The following SYN3 variants were observed in gnomAD, a reference collection of about 807,000 sequenced individuals.
The protein encoded by SYN3 is synapsin III.
Under a neutral mutation model 65.8 loss-of-function variants are expected in SYN3, and 35 were observed. That is an observed-to-expected ratio of 0.53 (90% CI 0.41 to 0.70). SYN3 has a LOEUF of 0.70. Ranked by LOEUF, SYN3 falls within the 30% of genes least tolerant of loss-of-function variation. The probability of loss-of-function intolerance (pLI) is 0.00; values close to 1 mark genes in which losing one functional copy is unlikely to be tolerated. For missense variants in SYN3, 680 were observed against 749.0 expected (o/e 0.91, Z 1.08); for synonymous variants, 270 against 292.9 (o/e 0.92, Z 0.80).
intron 7 of SYN3, among the ~76,000 whole-genome samples, chr22:32,569,533 ATCAATCTCTCTCTCTCTC>A (rs1342467215): frequency 3.2e-5 from 3 of 93,928 alleles, no homozygotes; most frequent in South Asian, 4.6e-4. Flanking sequence ...TCTAAAATCA[ATCAATCTCTCTCTCTCTC>A]TCTCTCTCTC....
chr22:32,750,627 C>T (rs2045089445), intron 6 of SYN3, among the ~76,000 whole-genome samples: 1 of 151,958 alleles, frequency 6.6e-6, no homozygotes, highest in Admixed American at 6.6e-5. Flanking sequence ...TGTCATCCTG[C>T]TCTGCTGAGA....
At chr22:32,748,631 T>C (rs2045012964) in intron 6 of SYN3, among the ~76,000 whole-genome samples, 1 of 152,236 alleles carries the variant, frequency 6.6e-6, no homozygotes, top group South Asian at 2.1e-4. Context: ...AATAATGATG[T>C]AACTTGGAAG....
chr22:32,723,265 C>T lies in SYN3; in HGVS notation c.712-126529G>A, dbSNP rs1017330982. On this transcript the variant is annotated intron_variant, in intron 6 of 13. Coordinates refer to ENST00000358763, the MANE Select transcript of SYN3 (RefSeq NM_003490.4). ...GTAACGTGAGCATGGGCAAATTAGTCAACATCACTTGCTTCTGTTTCCCAT... is the reference window on the plus strand; with the variant it reads ...GTAACGTGAGCATGGGCAAATTAGTTAACATCACTTGCTTCTGTTTCCCAT... 3.9e-5 allele frequency among the ~76,000 whole-genome samples: 6 copies of T among 152,222 alleles called. No individual in the cohort carries two copies. In the East Asian group the frequency reaches 7.7e-4, roughly 20 times the overall value.
At chr22:32,939,740 G>C (rs1216824290) in intron 3 of SYN3, among the ~76,000 whole-genome samples, 1 of 152,138 alleles carries the variant, frequency 6.6e-6, no homozygotes, top group African/African-American at 2.4e-5. Context: ...TCAATAATGT[G>C]TTTATCCATT....
chr22:32,846,541 C>A (rs1187675445), intron 6 of SYN3, among the ~76,000 whole-genome samples: 2 of 152,158 alleles, frequency 1.3e-5, no homozygotes, highest in Non-Finnish European at 2.9e-5. Flanking sequence ...ATTAATACGA[C>A]CCTCACAGCA....
chr22:32,512,126 G>GT lies in SYN3; in HGVS notation c.*1565dup, dbSNP rs2146035990. ...GCCCTGACGTCACCACTCCAGTTTG[G>GT]TTTTGAAGGACCAAAAAGGAGATGA... On this transcript the variant is annotated 3_prime_UTR_variant, in exon 14 of 14. Transcript: ENST00000358763. 6.6e-6 allele frequency among the ~76,000 whole-genome samples: 1 copy of GT among 152,300 alleles called. No individual in the cohort carries two copies. Among genetic ancestry groups the GT allele is most frequent in the Admixed American group, 6.5e-5 (1 of 15,288 alleles).
chr22:32,605,717 T>C (rs1177343382), intron 6 of SYN3, among the ~76,000 whole-genome samples: 1 of 152,164 alleles, frequency 6.6e-6, no homozygotes, highest in African/African-American at 2.4e-5. Context: ...ACTATGATCA[T>C]CCAGTGCTTC....
intron 6 of SYN3, among the ~76,000 whole-genome samples, chr22:32,755,823 C>T (rs1180597525): frequency 1.3e-5 from 2 of 152,122 alleles, no homozygotes; most frequent in Non-Finnish European, 2.9e-5. Flanking sequence ...CATAGTGAAC[C>T]TACGTACACA....
At chr22:32,555,902 C>T (rs1043012022) in intron 7 of SYN3, among the ~76,000 whole-genome samples, 2 of 152,144 alleles carry the variant, frequency 1.3e-5, no homozygotes, top group African/African-American at 4.8e-5. Flanking sequence ...TCTTAACCAG[C>T]CTGCATGTCC....
At chr22:32,689,251 A>G (rs2060632244) in intron 6 of SYN3, among the ~76,000 whole-genome samples, 1 of 152,164 alleles carries the variant, frequency 6.6e-6, no homozygotes. Flanking sequence ...GAATGAGTGG[A>G]AAGTGAGGAG....
At chr22:32,958,015 G>A (rs2051521603) in intron 3 of SYN3, among the ~76,000 whole-genome samples, 1 of 152,196 alleles carries the variant, frequency 6.6e-6, no homozygotes. Context: ...TCCGCATCAA[G>A]AAGCAAAGGC....
At chr22:32,998,843 C>G (rs2052975126) in intron 2 of SYN3, among the ~76,000 whole-genome samples, 1 of 139,160 alleles carries the variant, frequency 7.2e-6, no homozygotes, top group South Asian at 2.2e-4. Flanking sequence ...TTTCAAATAG[C>G]AGCCTTACAG....
At chr22:33,043,979 G>A (rs1601954337) in intron 1 of SYN3, among the ~76,000 whole-genome samples, 1 of 152,098 alleles carries the variant, frequency 6.6e-6, no homozygotes, top group Non-Finnish European at 1.5e-5. Context: ...CTTCAACCTG[G>A]GGGGCAGAGG....
At position 32,735,625 on chromosome 22, in the gene SYN3, C is replaced by T. The variant is rs574196232; in HGVS notation, c.711+129290G>A. 2.0e-3 allele frequency among the ~76,000 whole-genome samples: 302 copies of T among 152,210 alleles called. 1 individual carries two copies. The highest frequency in any genetic ancestry group is 3.1e-3 in the Non-Finnish European group (210 of 68,028). ...TCTGATTATCTAGAAGGGGATCTGTCTTAGTCCCAACATGACAGATCTTCA... is the reference window on the plus strand; with the variant it reads ...TCTGATTATCTAGAAGGGGATCTGTTTTAGTCCCAACATGACAGATCTTCA... On this transcript the variant is annotated intron_variant, in intron 6 of 13. Transcript: ENST00000358763.
intron 6 of SYN3, among the ~76,000 whole-genome samples, chr22:32,780,947 T>TTCCG (rs1162276951): frequency 1.4e-5 from 1 of 70,982 alleles, no homozygotes; most frequent in African/African-American, 5.1e-5. Context: ...CCTTCCTTCC[T>TTCCG]TCCTTCCTTC....
Position 32,978,790 on chromosome 22 carries a change from T to C in SYN3, c.369+1855A>G, listed in dbSNP as rs146599527. 2.6e-3 allele frequency among the ~76,000 whole-genome samples: 399 copies of C among 152,328 alleles called. 3 individuals are homozygous for C. The highest frequency in any genetic ancestry group is 0.01 in the Middle Eastern group (3 of 294). On this transcript the variant is annotated intron_variant, in intron 3 of 13. Coordinates refer to ENST00000358763, the MANE Select transcript of SYN3 (RefSeq NM_003490.4). ...CAAGTTTCCTCAGCAACAGGCATAC[T>C]GTGTGGATTGAATGAGTGACTGCAT...
intron 7 of SYN3, among the ~76,000 whole-genome samples, chr22:32,561,075 T>G (rs116390103): frequency 0.014 from 2,062 of 152,262 alleles, 42 homozygotes; most frequent in African/African-American, 0.047. Flanking sequence ...GGAGCAGTTG[T>G]GCCCACGATC....
At chr22:32,528,100 AG>A in intron 11 of SYN3, 95 bp from the exon 12 acceptor site, 1 of 952,414 alleles carries the variant, frequency 1.0e-6, no homozygotes, top group Non-Finnish European at 1.5e-6. Flanking sequence ...TTTATCATTG[AG>A]AAGAGACTCT....
rs1256703339 is a variant in SYN3 at position 32,511,016 on chromosome 22, T to TGTGTG, written c.*2675_*2676insCACAC. Among the ~76,000 whole-genome samples the TGTGTG allele has an allele frequency of 2.8e-5, 3 of 108,704 alleles. No homozygotes were observed. Among genetic ancestry groups the TGTGTG allele is most frequent in the African/African-American group, 6.0e-5 (2 of 33,592 alleles). The allele number at this position is 108,704 out of a possible 152,430, so 71.3% of individuals were successfully genotyped here. A position where few individuals can be genotyped will look rare whatever the true frequency, so the allele number is the denominator to read the frequency against. On this transcript the variant is annotated 3_prime_UTR_variant, in exon 14 of 14. Coordinates refer to ENST00000358763, the MANE Select transcript of SYN3 (RefSeq NM_003490.4). ...GTGTGTGTGTGTGTGTGTGTGTGTG[T>TGTGTG]AAGGGGACTCCTAGAATCACTGGCT...
Sources: gnomAD v4.1 joint callset for allele counts (sites outside exome capture counted in the v4.1 genomes callset) on GRCh38, gnomAD v4.1.1 for gene constraint, MANE v1.5 for transcripts, NCBI Gene and HGNC (gene_info 2026-07-23, HGNC 2026-07-21) for gene names.